The following LYPD6B variants were observed in gnomAD, a reference collection of about 807,000 sequenced individuals.
LYPD6B encodes LY6/PLAUR domain containing 6B.
Under a neutral mutation model 22.8 loss-of-function variants are expected in LYPD6B, and 17 were observed. That is an observed-to-expected ratio of 0.75 (90% CI 0.51 to 1.12). The LOEUF (loss-of-function observed/expected upper bound fraction) is 1.12. Ranked by LOEUF, LYPD6B falls within the 50% of genes most tolerant of loss-of-function variation. LYPD6B has a pLI of 0.00. For missense variants in LYPD6B, 221 were observed against 258.3 expected, an observed-to-expected ratio of 0.86 and a Z score of 0.99; for synonymous variants, 106 against 91.6, an observed-to-expected ratio of 1.16 and a Z score of -0.90.
chr2:149,055,796 C>A (rs959762235), intron 1 of LYPD6B, among the ~76,000 whole-genome samples: 1 of 152,200 alleles, frequency 6.6e-6, no homozygotes, highest in Admixed American at 6.5e-5. Flanking sequence ...TTTCTACATA[C>A]AAGATCATGT....
intron 2 of LYPD6B, among the ~76,000 whole-genome samples, chr2:149,150,549 G>A (rs568214809): frequency 6.6e-6 from 1 of 151,480 alleles, no homozygotes; most frequent in Non-Finnish European, 1.5e-5. Context: ...CTGTGGAAAA[G>A]TCTGATGTCA....
intron 1 of LYPD6B, among the ~76,000 whole-genome samples, chr2:149,053,896 G>C (rs372932944): frequency 6.6e-6 from 1 of 152,076 alleles, no homozygotes; most frequent in Admixed American, 6.6e-5. Context: ...AAGGTTTGAG[G>C]TTCATAATGG....
intron 3 of LYPD6B, among the ~76,000 whole-genome samples, chr2:149,177,308 T>C (rs1691386905): frequency 6.6e-6 from 1 of 152,194 alleles, no homozygotes; most frequent in Non-Finnish European, 1.5e-5. Flanking sequence ...TTGTTGGATC[T>C]CTGTTTCCAT....
At chr2:149,146,545 T>C (rs1689037480) in intron 2 of LYPD6B, among the ~76,000 whole-genome samples, 1 of 152,186 alleles carries the variant, frequency 6.6e-6, no homozygotes, top group Admixed American at 6.5e-5. Flanking sequence ...TGCATTTGTC[T>C]GAGGAGCAGT....
At chr2:149,083,162 A>G (rs1208421735) in intron 1 of LYPD6B, among the ~76,000 whole-genome samples, 2 of 152,224 alleles carry the variant, frequency 1.3e-5, no homozygotes, top group Non-Finnish European at 2.9e-5. Context: ...AAAGCGCTTC[A>G]TGCATACCAT....
Position 149,100,908 on chromosome 2 carries a change from C to A in LYPD6B, c.-66-29975C>A, listed in dbSNP as rs530365398. Among the ~76,000 whole-genome samples the A allele has an allele frequency of 1.6e-4, 24 of 152,240 alleles. No individual in the cohort carries two copies. The South Asian group carries it at 5.0e-3, about 32-fold the overall frequency. The stretch of plus-strand genomic sequence containing the variant: ...CCTGTCTGTGCTAATATAACCCAGC[C>A]CCTCCTGCCGTCAGCTGTCTGTGGC... On this transcript the variant is annotated intron_variant, in intron 1 of 6. Transcript: ENST00000409642.
intron 1 of LYPD6B, among the ~76,000 whole-genome samples, chr2:149,059,702 AC>A: frequency 6.6e-6 from 1 of 152,186 alleles, no homozygotes; most frequent in Non-Finnish European, 1.5e-5. Flanking sequence ...TGAAAGATGA[AC>A]AGGTCTTAGG....
At chr2:149,111,158 G>A (rs1686740298) in intron 1 of LYPD6B, among the ~76,000 whole-genome samples, 1 of 152,152 alleles carries the variant, frequency 6.6e-6, no homozygotes, top group African/African-American at 2.4e-5. Flanking sequence ...GGGACCCCCA[G>A]GAGGATGGGG....
At chr2:149,150,987 G>T (rs1405336552) in intron 2 of LYPD6B, among the ~76,000 whole-genome samples, 1 of 151,856 alleles carries the variant, frequency 6.6e-6, no homozygotes. Flanking sequence ...AAGAAATATT[G>T]CATCTGTAAA....
At chr2:149,092,848 A>G (rs1685721640) in intron 1 of LYPD6B, among the ~76,000 whole-genome samples, 1 of 152,162 alleles carries the variant, frequency 6.6e-6, no homozygotes, top group South Asian at 2.1e-4. Context: ...AGCCCACCTC[A>G]AGGTATTTTT....
intron 1 of LYPD6B, among the ~76,000 whole-genome samples, chr2:149,082,564 A>AT (rs1484352854): frequency 2.0e-5 from 3 of 151,834 alleles, no homozygotes; most frequent in Admixed American, 2.0e-4. Context: ...TTTTATTGCA[A>AT]TTTTTTTTGC....
chr2:149,144,253 C>A (rs1031660182), intron 2 of LYPD6B, among the ~76,000 whole-genome samples: 1 of 152,016 alleles, frequency 6.6e-6, no homozygotes, highest in Non-Finnish European at 1.5e-5. Context: ...CCTACAAGCT[C>A]AGAATGATTT....
intron 5 of LYPD6B, among the ~76,000 whole-genome samples, chr2:149,211,189 T>C (rs1230195946): frequency 4.6e-5 from 7 of 152,102 alleles, no homozygotes; most frequent in Admixed American, 3.3e-4. Flanking sequence ...CACTAAACCA[T>C]TCATGAAGGA....
chr2:149,110,277 TA>T (rs1686695427), intron 1 of LYPD6B, among the ~76,000 whole-genome samples: 1 of 152,216 alleles, frequency 6.6e-6, no homozygotes, highest in African/African-American at 2.4e-5. Flanking sequence ...CTTTGTCTGA[TA>T]ATTCTAACAT....
intron 1 of LYPD6B, among the ~76,000 whole-genome samples, chr2:149,124,124 A>C (rs1687547369): frequency 6.6e-6 from 1 of 152,140 alleles, no homozygotes; most frequent in Non-Finnish European, 1.5e-5. Context: ...TTACTCACTC[A>C]TTTTCTGAAG....
intron 1 of LYPD6B, among the ~76,000 whole-genome samples, chr2:149,109,709 G>A (rs143820707): frequency 1.3e-5 from 2 of 151,868 alleles, no homozygotes; most frequent in Admixed American, 6.6e-5. Context: ...ATTTATTTAT[G>A]TATTTATTAT....
intron 3 of LYPD6B, chr2:149,161,464 C>T (rs35560150): frequency 0.27 from 41,061 of 152,712 alleles, 7,052 homozygotes; most frequent in East Asian, 0.54. Context: ...GTGCTTACTG[C>T]GCAGGCTGAC....
chr2:149,041,452 C>T (rs1383524312), intron 1 of LYPD6B, among the ~76,000 whole-genome samples: 1 of 152,234 alleles, frequency 6.6e-6, no homozygotes, highest in East Asian at 1.9e-4. Flanking sequence ...TAACGCTTAC[C>T]CTGAAACCAG....
At chr2:149,121,632 T>C (rs1031255192) in intron 1 of LYPD6B, among the ~76,000 whole-genome samples, 5 of 152,160 alleles carry the variant, frequency 3.3e-5, no homozygotes, top group African/African-American at 7.2e-5. Context: ...AGGAACATAG[T>C]GTTTCATGAG....
Sources: allele counts gnomAD v4.1 joint callset (sites outside exome capture counted in the v4.1 genomes callset), GRCh38; gene constraint gnomAD v4.1.1; transcripts MANE v1.5; gene names NCBI Gene and HGNC (gene_info 2026-07-23, HGNC 2026-07-21).